Variants in RBMS3 observed in about 807,000 individuals in gnomAD.
The protein encoded by RBMS3 is RNA binding motif single stranded interacting protein 3.
RBMS3 carries 27 observed loss-of-function variants against 66.8 expected under a neutral mutation model. The ratio of observed to expected loss-of-function variants is 0.40; its 90% CI spans 0.30 to 0.56. The LOEUF (loss-of-function observed/expected upper bound fraction) is 0.56, where lower values mean the gene tolerates loss of function less well. Among genes scored for constraint, RBMS3 ranks in the 20% least tolerant of loss-of-function variants. The probability of loss-of-function intolerance (pLI) is 0.40; values close to 1 mark genes in which losing one functional copy is unlikely to be tolerated. For synonymous variants in RBMS3, 188 were observed against 183.0 expected (o/e 1.03, Z -0.22); for missense variants, 513 against 549.5 (o/e 0.93, Z 0.66).
chr3:29,878,863 G>A (rs1295552709), intron 7 of RBMS3, among the ~76,000 whole-genome samples: 1 of 151,950 alleles, frequency 6.6e-6, no homozygotes, highest in East Asian at 1.9e-4. Context: ...GTAACACAGT[G>A]AGACCCCATC....
At chr3:29,340,054 G>T (rs1427829371) in intron 1 of RBMS3, among the ~76,000 whole-genome samples, 1 of 152,098 alleles carries the variant, frequency 6.6e-6, no homozygotes, top group East Asian at 1.9e-4. Flanking sequence ...GGTCTCTACT[G>T]ATAGATATCT....
chr3:29,333,707 G>T (rs1442025767), intron 1 of RBMS3, among the ~76,000 whole-genome samples: 1 of 152,136 alleles, frequency 6.6e-6, no homozygotes, highest in East Asian at 1.9e-4. Context: ...CTCCGTTGCA[G>T]CAGTGCAATG....
intron 12 of RBMS3, among the ~76,000 whole-genome samples, chr3:29,973,167 G>A (rs1697334901): frequency 6.6e-6 from 1 of 151,982 alleles, no homozygotes; most frequent in African/African-American, 2.4e-5. Flanking sequence ...CCACTTTACA[G>A]GCACTTTTAA....
chr3:29,480,767 GA>G (rs774027957), intron 2 of RBMS3, among the ~76,000 whole-genome samples: 7 of 152,204 alleles, frequency 4.6e-5, no homozygotes, highest in African/African-American at 9.7e-5. Flanking sequence ...TGTATGGATG[GA>G]AAGGATTTGC....
intron 1 of RBMS3, among the ~76,000 whole-genome samples, chr3:29,340,209 A>G (rs1473241380): frequency 6.6e-6 from 1 of 152,146 alleles, no homozygotes; most frequent in East Asian, 1.9e-4. Context: ...TCTGGTTAAA[A>G]CAACAACAAC....
At chr3:29,567,859 T>G (rs1221565849) in intron 3 of RBMS3, among the ~76,000 whole-genome samples, 1 of 152,190 alleles carries the variant, frequency 6.6e-6, no homozygotes, top group East Asian at 1.9e-4. Context: ...AAAATTGCAA[T>G]TCCAAATTAT....
chr3:29,795,116 T>C (rs2057140288), intron 6 of RBMS3, among the ~76,000 whole-genome samples: 1 of 152,136 alleles, frequency 6.6e-6, no homozygotes, highest in South Asian at 2.1e-4. Context: ...ATGTCAGCTG[T>C]TGTTTGATGG....
intron 6 of RBMS3, among the ~76,000 whole-genome samples, chr3:29,833,814 A>C (rs369365519): frequency 6.6e-6 from 1 of 152,222 alleles, no homozygotes; most frequent in South Asian, 2.1e-4. Flanking sequence ...AGATGTGAAC[A>C]TCCAGGTATA....
intron 3 of RBMS3, among the ~76,000 whole-genome samples, chr3:29,557,722 T>A (rs2046411175): frequency 6.6e-6 from 1 of 152,184 alleles, no homozygotes; most frequent in Non-Finnish European, 1.5e-5. Flanking sequence ...CTACTAACCC[T>A]GTCTATTTAT....
chr3:29,396,594 G>A (rs945732328), intron 1 of RBMS3, among the ~76,000 whole-genome samples: 4 of 151,982 alleles, frequency 2.6e-5, no homozygotes, highest in Admixed American at 6.6e-5. Flanking sequence ...ACTCTTGGAC[G>A]GTTCAGGAAA....
At chr3:29,309,081 A>C (rs1375255753) in intron 1 of RBMS3, among the ~76,000 whole-genome samples, 1 of 151,762 alleles carries the variant, frequency 6.6e-6, no homozygotes, top group Non-Finnish European at 1.5e-5. Flanking sequence ...GTTGAAAGTG[A>C]AAAGGAACTG....
At chr3:29,436,376 T>A (rs2041404206) in intron 2 of RBMS3, among the ~76,000 whole-genome samples, 1 of 152,176 alleles carries the variant, frequency 6.6e-6, no homozygotes, top group African/African-American at 2.4e-5. Context: ...ACTGAGTGCC[T>A]TGATTTGTGA....
At chr3:29,348,879 G>T (rs548186552) in intron 1 of RBMS3, among the ~76,000 whole-genome samples, 86 of 152,282 alleles carry the variant, frequency 5.6e-4, no homozygotes, top group African/African-American at 2.0e-3. Flanking sequence ...GCCCAAGTCT[G>T]CAGTAGAAGG....
At chr3:29,569,900 G>A (rs2046886892) in intron 3 of RBMS3, among the ~76,000 whole-genome samples, 1 of 152,082 alleles carries the variant, frequency 6.6e-6, no homozygotes, top group African/African-American at 2.4e-5. Flanking sequence ...CTTTCAGAAA[G>A]GGTTAGGCAA....
chr3:29,797,643 T>C (rs2057245862), intron 6 of RBMS3: 1 of 152,232 alleles, frequency 6.6e-6, no homozygotes. Flanking sequence ...AGCCGAATTA[T>C]TTCTGGCTAA....
At chr3:29,634,903 T>G (rs1443882556) in intron 4 of RBMS3, among the ~76,000 whole-genome samples, 1 of 151,870 alleles carries the variant, frequency 6.6e-6, no homozygotes, top group Non-Finnish European at 1.5e-5. Flanking sequence ...GTACACTAGT[T>G]TGAGGCTTCT....
chr3:29,544,589 G>A (rs1007311235), intron 3 of RBMS3, among the ~76,000 whole-genome samples: 4 of 152,010 alleles, frequency 2.6e-5, no homozygotes, highest in Non-Finnish European at 5.9e-5. Context: ...GAACAAAAAG[G>A]TGAGGCTAAG....
intron 3 of RBMS3, among the ~76,000 whole-genome samples, chr3:29,549,446 C>G (rs150614292): frequency 0.013 from 1,909 of 147,528 alleles, 50 homozygotes; most frequent in African/African-American, 0.046. Flanking sequence ...GTGGCCCAGG[C>G]TGGAGTGCAG....
At chr3:29,948,511 T>C (rs1695471142) in intron 12 of RBMS3, among the ~76,000 whole-genome samples, 1 of 151,788 alleles carries the variant, frequency 6.6e-6, no homozygotes, top group East Asian at 1.9e-4. Context: ...TCTTTCAAGC[T>C]CTAAGCAACA....
Sources: allele counts gnomAD v4.1 joint callset (sites outside exome capture counted in the v4.1 genomes callset), GRCh38; gene constraint gnomAD v4.1.1; transcripts MANE v1.5; gene names NCBI Gene and HGNC (gene_info 2026-07-23, HGNC 2026-07-21).